The following RALGAPB variants were observed in gnomAD, a reference collection of about 807,000 sequenced individuals.
RALGAPB encodes the protein ral GTPase-activating protein subunit beta.
Under a neutral mutation model 161.1 loss-of-function variants are expected in RALGAPB, and 25 were observed. That is an observed-to-expected ratio of 0.16 (90% CI 0.11 to 0.22). RALGAPB has a LOEUF of 0.22. RALGAPB is among the 10% of genes least tolerant of loss of function. The pLI is 1.00. For synonymous variants in RALGAPB, 629 were observed against 626.1 expected (o/e 1.00, Z -0.07); for missense variants, 1,391 against 1,815.2 (o/e 0.77, Z 4.25).
At chr20:38,521,375 A>G (rs542719859) in intron 9 of RALGAPB, 122 bp from the exon 10 acceptor site, 24 of 1,459,542 alleles carry the variant, frequency 1.6e-5, no homozygotes, top group Admixed American at 1.0e-4. Flanking sequence ...TTGCTAAACA[A>G]AAGCACTTAT....
chr20:38,502,280 G>GT (rs758687096), intron 5 of RALGAPB, among the ~76,000 whole-genome samples: 4 of 152,134 alleles, frequency 2.6e-5, no homozygotes, highest in Non-Finnish European at 5.9e-5. Context: ...TCAGTAAAAA[G>GT]TGATGTCTCA....
intron 16 of RALGAPB, among the ~76,000 whole-genome samples, chr20:38,536,788 C>T (rs2086820205): frequency 6.6e-6 from 1 of 152,166 alleles, no homozygotes; most frequent in African/African-American, 2.4e-5. Context: ...GAATAGTTGT[C>T]AGAGGCTGTG....
intron 9 of RALGAPB, among the ~76,000 whole-genome samples, chr20:38,520,618 A>G (rs1366866730): frequency 6.7e-6 from 1 of 149,058 alleles, no homozygotes; most frequent in Non-Finnish European, 1.5e-5. Flanking sequence ...TGTTTTTCAA[A>G]TGTATTATTG....
rs375353824 is a variant in RALGAPB, at chr20:38,567,051, A to G, written c.3818-45A>G. 2.9e-5 allele frequency: 45 copies of G among 1,577,710 alleles called. 1 individual carries two copies. The African/African-American group carries it at 5.6e-4, about 20-fold the overall frequency. The stretch of plus-strand genomic sequence containing the variant: ...ATTAGTTTTAACAGCCTTGCTCCAA[A>G]TAAGTGGTATGTATTATAGTTGCTT... On this transcript the variant is annotated intron_variant, in intron 25 of 29. Transcript: ENST00000262879.
chr20:38,554,082 T>C lies in RALGAPB; in HGVS notation c.3372+6T>C, dbSNP rs2087491254. 1 of 1,567,326 alleles carries C rather than the reference T, an allele frequency of 6.4e-7. No individual in the cohort carries two copies. Among genetic ancestry groups the C allele is most frequent in the African/African-American group, 1.4e-5 (1 of 73,914 alleles). On this transcript the variant is annotated splice_donor_region_variant and intron_variant, in intron 22 of 29. Coordinates refer to ENST00000262879, the MANE Select transcript of RALGAPB (RefSeq NM_020336.4). ...TGTCCTTAGAAGCACTGAAGGTAAT[T>C]TTCATGAACTTTTATGAATAAATAT...
At chr20:38,568,699 A>C (rs761475985) in intron 26 of RALGAPB, 3 of 152,112 alleles carry the variant, frequency 2.0e-5, no homozygotes, top group Non-Finnish European at 2.9e-5. Flanking sequence ...TTGCAGGAAA[A>C]ACGCCAGGGT....
rs765766536 is a variant in RALGAPB at position 38,578,741 on chromosome 20, A to G, written c.*3774A>G. The G allele has an allele frequency of 6.5e-6, 1 of 152,774 alleles. No individual in the cohort carries two copies. Among genetic ancestry groups the G allele is most frequent in the Non-Finnish European group, 1.5e-5 (1 of 68,024 alleles). 9.5% of individuals were successfully genotyped at this position (152,774 alleles called of 1,614,324 possible). ...CTCCTGTGTTTCATCTTCGTCGGTT[A>G]GGGAAGAAGGTCCAGAGGTTTGTTT... On this transcript the variant is annotated 3_prime_UTR_variant, in exon 30 of 30. Transcript: ENST00000262879.
rs2088469878 is a variant in RALGAPB, at chr20:38,577,213, G to A, written c.*2246G>A. The A allele has an allele frequency of 6.6e-6, 1 of 152,218 alleles. No homozygotes were observed. The highest frequency in any genetic ancestry group is 1.5e-5 in the Non-Finnish European group (1 of 68,044). 9.4% of individuals were successfully genotyped at this position (152,218 alleles called of 1,614,324 possible). A position where few individuals can be genotyped will look rare whatever the true frequency, so the allele number is the denominator to read the frequency against. On this transcript the variant is annotated 3_prime_UTR_variant, in exon 30 of 30. Transcript: ENST00000262879. ...ACAATAACATCTGCCCAAAGAGGGA[G>A]TGGGAAGAACGCTTAGCTCTTTCAC...
In RALGAPB at chr20:38,525,505, C is replaced by A. The variant is rs1213428618; in HGVS notation, c.1889C>A (p.Thr630Lys). 1 of 1,599,852 alleles carries A rather than the reference C, an allele frequency of 6.3e-7. No individual in the cohort carries two copies. The highest frequency in any genetic ancestry group is 8.6e-7 in the Non-Finnish European group (1 of 1,168,968). ...SLLPLPHHFG[T>K]VKSEVVLEGK... ...TTGCCCCTCCCTCATCATTTTGGCA[C>A]AGTCAAATCTGAGGTAATGTTTTGT... Residue 630 changes from threonine (T) to lysine (K), a missense_variant, in exon 12 of 30, where the codon ACA becomes AAA. Thr to Lys is a moderately conservative substitution (Grantham distance 78). This residue lies in a region of RALGAPB where 946 missense variants were observed against 1,257.2 expected (regional missense o/e 0.75). Transcript: ENST00000262879.
Position 38,516,200 on chromosome 20 carries a change from T to A in RALGAPB, c.881T>A (p.Val294Glu). 6.3e-7 allele frequency: 1 copy of A among 1,594,920 alleles called. No individual in the cohort carries two copies. Among genetic ancestry groups the A allele is most frequent in the Non-Finnish European group, 8.6e-7 (1 of 1,168,478 alleles). ...FRFLHMLSNPVDLSNPAIISS... is the reference protein window; with the variant it reads ...FRFLHMLSNPEDLSNPAIISS... ...TTCCTCTCTTTTAATAGTAATCCTG[T>A]GGATTTGAGTAACCCAGCTATTATA... is the stretch of plus-strand genomic sequence containing the variant. The change falls in exon 7 of 30, where the codon GTG becomes GAG. Residue 294 changes from valine to glutamate, a missense_variant. By Grantham distance (121) the Val-to-Glu change is moderately radical (BLOSUM62 -2). This residue lies in a region of RALGAPB where 946 missense variants were observed against 1,257.2 expected (regional missense o/e 0.75). Transcript: ENST00000262879.
intron 5 of RALGAPB, among the ~76,000 whole-genome samples, chr20:38,505,065 A>G (rs533967893): frequency 2.0e-5 from 3 of 152,366 alleles, no homozygotes; most frequent in East Asian, 3.9e-4. Flanking sequence ...CAACCCAGCT[A>G]TCCCATTGCT....
chr20:38,572,489 C>G (rs951824746), intron 28 of RALGAPB, among the ~76,000 whole-genome samples: 6 of 152,142 alleles, frequency 3.9e-5, no homozygotes, highest in African/African-American at 1.2e-4. Flanking sequence ...ATGCATTGAC[C>G]CTGCATCTCT....
intron 19 of RALGAPB, chr20:38,547,839 C>G (rs2087224073): frequency 6.6e-6 from 1 of 152,200 alleles, no homozygotes; most frequent in South Asian, 2.1e-4. Flanking sequence ...TGTGCCTGTT[C>G]ATGATTCCTC....
intron 17 of RALGAPB, among the ~76,000 whole-genome samples, chr20:38,540,504 A>ATTTTTC: frequency 6.6e-6 from 1 of 152,356 alleles, no homozygotes; most frequent in Non-Finnish European, 1.5e-5. Flanking sequence ...AGATCATTGG[A>ATTTTTC]TATTTATAGA....
chr20:38,500,047 T>C (rs1287050227), intron 5 of RALGAPB: 1 of 152,486 alleles, frequency 6.6e-6, no homozygotes, highest in Non-Finnish European at 1.5e-5. Flanking sequence ...TGCTACTTTA[T>C]AACCAAAGTA....
intron 17 of RALGAPB, 60 bp downstream of exon 17, chr20:38,540,018 C>A: frequency 6.9e-7 from 1 of 1,457,378 alleles, no homozygotes. Context: ...AGCAAAATGC[C>A]TTTTGAAAGA....
intron 12 of RALGAPB, 78 bp downstream of exon 12, chr20:38,525,596 TG>T: frequency 1.8e-6 from 2 of 1,099,474 alleles, no homozygotes; most frequent in Non-Finnish European, 2.7e-6. Context: ...ATGTTAAAAA[TG>T]AAACAGGAGC....
At position 38,539,952 on chromosome 20, in the gene RALGAPB, T is replaced by C; in HGVS notation, c.2556T>C (p.Asp852=). The change falls in exon 17 of 30, where the codon GAT becomes GAC. Residue 852 remains aspartate (D), a synonymous_variant. Transcript: ENST00000262879. ...VWLTEHPDML[D]EKDCLKEVLE... ...TGACAGAGCACCCTGATATGCTTGA[T>C]GAAAAGGTGAGTTTATTTTATTTTA... is the stretch of plus-strand genomic sequence containing the variant. 1 of 1,605,566 alleles carries C rather than the reference T, an allele frequency of 6.2e-7. No individual in the cohort carries two copies. The highest frequency in any genetic ancestry group is 8.5e-7 in the Non-Finnish European group (1 of 1,175,924).
rs898230258 is a variant in RALGAPB at position 38,576,266 on chromosome 20, A to C, written c.*1299A>C. 6.5e-6 allele frequency: 1 copy of C among 152,680 alleles called. No homozygotes were observed. The highest frequency in any genetic ancestry group is 2.4e-5 in the African/African-American group (1 of 41,464). The allele number at this position is 152,680 out of a possible 1,614,324, so 9.5% of individuals were successfully genotyped here. ...TTTTAAGAAAATAAGTGATATTTAA[A>C]GTCCAAAGAGGAATGATCACAGTTG... On this transcript the variant is annotated 3_prime_UTR_variant, in exon 30 of 30. Transcript: ENST00000262879.
Sources: allele counts gnomAD v4.1 joint callset (sites outside exome capture counted in the v4.1 genomes callset), GRCh38; gene constraint gnomAD v4.1.1; regional missense constraint gnomAD v4.1.1; transcripts MANE v1.5; gene names NCBI Gene and HGNC (gene_info 2026-07-23, HGNC 2026-07-21).